Variants in CFAP61 observed in about 807,000 individuals in gnomAD.
CFAP61 encodes cilia and flagella associated protein 61, also known as cilia- and flagella-associated protein 61.
In CFAP61, 107 loss-of-function variants were observed where a neutral mutation model predicts 135.6. The observed-to-expected ratio is 0.79, with a 90% CI of 0.67 to 0.93. CFAP61 has a LOEUF of 0.93. Ranked by LOEUF, CFAP61 falls within the 40% of genes least tolerant of loss-of-function variation. CFAP61 has a pLI of 0.00. For missense variants in CFAP61, 1,507 were observed against 1,556.2 expected, an observed-to-expected ratio of 0.97 and a Z score of 0.53; for synonymous variants, 575 against 578.5, an observed-to-expected ratio of 0.99 and a Z score of 0.09.
chr20:20,060,320 A>G (rs778070755), intron 2 of CFAP61, among the ~76,000 whole-genome samples: 8 of 152,232 alleles, frequency 5.3e-5, no homozygotes, highest in Non-Finnish European at 4.4e-5. Flanking sequence ...TGAATGGAGG[A>G]AATTCCTCAG....
chr20:20,096,578 A>G (rs2047589419), intron 7 of CFAP61, among the ~76,000 whole-genome samples: 1 of 152,268 alleles, frequency 6.6e-6, no homozygotes, highest in Admixed American at 6.5e-5. Context: ...ATTTCAGGCC[A>G]TCGAAGTTTT....
At chr20:20,106,174 A>G (rs1220073503) in intron 8 of CFAP61, among the ~76,000 whole-genome samples, 3 of 151,846 alleles carry the variant, frequency 2.0e-5, no homozygotes, top group Non-Finnish European at 4.4e-5. Flanking sequence ...AGACTCTTTC[A>G]GGGCTTTCAG....
At chr20:20,135,658 A>T (rs2050869741) in intron 8 of CFAP61, among the ~76,000 whole-genome samples, 1 of 152,166 alleles carries the variant, frequency 6.6e-6, no homozygotes, top group African/African-American at 2.4e-5. Flanking sequence ...AAAAAACTAC[A>T]CTTTATCTCC....
intron 2 of CFAP61, among the ~76,000 whole-genome samples, chr20:20,060,906 A>G (rs892418160): frequency 4.6e-5 from 7 of 152,182 alleles, no homozygotes; most frequent in African/African-American, 1.7e-4. Flanking sequence ...CCAGCTGCCA[A>G]CCATGCAAGT....
At chr20:20,246,333 A>G (rs982025971) in intron 19 of CFAP61, 118 bp downstream of exon 19, 11 of 736,054 alleles carry the variant, frequency 1.5e-5, no homozygotes, top group Middle Eastern at 2.3e-4. Flanking sequence ...GGGCTTTTCT[A>G]CTGGAGTTCA....
At chr20:20,284,495 C>T (rs1003114320) in intron 22 of CFAP61, among the ~76,000 whole-genome samples, 28 of 152,072 alleles carry the variant, frequency 1.8e-4, no homozygotes, top group Admixed American at 1.7e-3. Context: ...CCGTGTTATC[C>T]AGGATGGTCT....
chr20:20,307,429 A>G (rs1212309846), intron 25 of CFAP61, among the ~76,000 whole-genome samples: 2 of 152,230 alleles, frequency 1.3e-5, no homozygotes. Context: ...AAAAGTATGT[A>G]AAGTACTATA....
intron 26 of CFAP61, among the ~76,000 whole-genome samples, chr20:20,353,601 G>T (rs547337966): frequency 1.3e-5 from 2 of 152,116 alleles, no homozygotes; most frequent in Non-Finnish European, 2.9e-5. Flanking sequence ...CCAGAAATAT[G>T]CTGTCGGAAC....
At chr20:20,130,438 G>A (rs2050425281) in intron 8 of CFAP61, among the ~76,000 whole-genome samples, 1 of 151,828 alleles carries the variant, frequency 6.6e-6, no homozygotes, top group African/African-American at 2.4e-5. Flanking sequence ...GTTTCCTGAT[G>A]TTTCTTGTGG....
chr20:20,319,138 G>T (rs2057301412), intron 25 of CFAP61, among the ~76,000 whole-genome samples: 1 of 152,200 alleles, frequency 6.6e-6, no homozygotes, highest in Non-Finnish European at 1.5e-5. Flanking sequence ...CTCCTAGCGT[G>T]AAGCAGTGGC....
At chr20:20,357,165 G>A (rs74454068) in intron 26 of CFAP61, among the ~76,000 whole-genome samples, 2 of 109,962 alleles carry the variant, frequency 1.8e-5, no homozygotes, top group Non-Finnish European at 4.2e-5. Flanking sequence ...GAGGGGAGGT[G>A]GTCACACTGA....
chr20:20,079,910 T>C (rs889197809), intron 6 of CFAP61, among the ~76,000 whole-genome samples: 2 of 152,192 alleles, frequency 1.3e-5, no homozygotes, highest in Non-Finnish European at 2.9e-5. Flanking sequence ...CTCTTGTTAG[T>C]GTCAGGGGAG....
intron 25 of CFAP61, among the ~76,000 whole-genome samples, chr20:20,337,322 ATGGATGGATGGATGGATAGATGGG>A (rs1569310425): frequency 1.5e-4 from 2 of 13,686 alleles, no homozygotes; most frequent in African/African-American, 2.3e-4. Context: ...GGATGGATGG[ATGGATGGATGGATGGATAGATGGG>A]TGGGTGGGTG....
At chr20:20,168,903 C>T (rs932311757) in intron 12 of CFAP61, among the ~76,000 whole-genome samples, 3 of 152,178 alleles carry the variant, frequency 2.0e-5, no homozygotes, top group African/African-American at 7.2e-5. Flanking sequence ...GAAGTATCAT[C>T]CTCCCATCTC....
At chr20:20,181,362 C>G (rs2055087854) in intron 13 of CFAP61, among the ~76,000 whole-genome samples, 1 of 150,992 alleles carries the variant, frequency 6.6e-6, no homozygotes, top group African/African-American at 2.4e-5. Context: ...CAATCTTTTT[C>G]CTTCCACTTT....
chr20:20,347,932 C>CAAAAA (rs139136148), intron 26 of CFAP61, among the ~76,000 whole-genome samples: 1 of 75,178 alleles, frequency 1.3e-5, no homozygotes. Context: ...GACGCCATCT[C>CAAAAA]AAAAAAAAAA....
chr20:20,298,137 G>T lies in CFAP61; in HGVS notation c.3217-44G>T, dbSNP rs1481762228. The T allele has an allele frequency of 3.6e-6, 5 of 1,376,974 alleles. No individual in the cohort carries two copies. The East Asian group carries it at 1.1e-4, about 32-fold the overall frequency. The allele number at this position is 1,376,974 out of a possible 1,614,324, so 85.3% of individuals were successfully genotyped here. A position where few individuals can be genotyped will look rare whatever the true frequency, so the allele number is the denominator to read the frequency against. Reference sequence around the variant, plus strand: ...CTATGATAAAGTTCCCAAAATCCAGGAATGTTTCTAATGTTGTTTTTCTTG... The same window carrying T: ...CTATGATAAAGTTCCCAAAATCCAGTAATGTTTCTAATGTTGTTTTTCTTG... On this transcript the variant is annotated intron_variant, in intron 24 of 26. Coordinates refer to ENST00000245957, the MANE Select transcript of CFAP61 (RefSeq NM_015585.4).
intron 22 of CFAP61, among the ~76,000 whole-genome samples, chr20:20,280,623 A>G (rs2054134883): frequency 6.6e-6 from 1 of 152,182 alleles, no homozygotes; most frequent in South Asian, 2.1e-4. Context: ...TTTTATGGCT[A>G]AGTAGTATTC....
At chr20:20,289,859 C>T (rs540669136) in intron 23 of CFAP61, among the ~76,000 whole-genome samples, 1 of 152,350 alleles carries the variant, frequency 6.6e-6, no homozygotes, top group South Asian at 2.1e-4. Context: ...ATGACAGTTT[C>T]TAAAACATTG....
Sources: gnomAD v4.1 joint callset for allele counts (sites outside exome capture counted in the v4.1 genomes callset) on GRCh38, gnomAD v4.1.1 for gene constraint, MANE v1.5 for transcripts, NCBI Gene and HGNC (gene_info 2026-07-23, HGNC 2026-07-21) for gene names.